Variants in FAT3 observed in about 807,000 individuals in gnomAD.
FAT3 encodes FAT atypical cadherin 3.
A neutral mutation model predicts 310.2 loss-of-function variants in FAT3; 95 were observed. That is an observed-to-expected ratio of 0.31 (90% CI 0.26 to 0.36). FAT3 has a LOEUF of 0.36. Ranked by LOEUF, FAT3 falls within the 10% of genes least tolerant of loss-of-function variation. FAT3 has a pLI of 1.00. For synonymous variants in FAT3, 2,314 were observed against 2,192.9 expected (o/e 1.06, Z -1.54); for missense variants, 5,408 against 5,715.6 (o/e 0.95, Z 1.74).
intron 4 of FAT3, among the ~76,000 whole-genome samples, chr11:92,704,848 C>T (rs537645072): frequency 1.3e-5 from 2 of 152,314 alleles, no homozygotes; most frequent in South Asian, 2.1e-4. Flanking sequence ...TGCCCCTCCT[C>T]ACACCACCAC....
chr11:92,838,173 T>C (rs958450716), intron 17 of FAT3, among the ~76,000 whole-genome samples: 5 of 152,188 alleles, frequency 3.3e-5, no homozygotes, highest in Non-Finnish European at 7.3e-5. Flanking sequence ...GGATTTGAAC[T>C]TGGGGCTGTC....
At chr11:92,373,114 G>C (rs930818371) in intron 2 of FAT3, among the ~76,000 whole-genome samples, 2 of 152,136 alleles carry the variant, frequency 1.3e-5, no homozygotes, top group African/African-American at 4.8e-5. Context: ...TAATCTGCTG[G>C]ACTTATTTTT....
chr11:92,747,827 C>T (rs1447337852), intron 4 of FAT3, among the ~76,000 whole-genome samples: 1 of 152,170 alleles, frequency 6.6e-6, no homozygotes, highest in Non-Finnish European at 1.5e-5. Flanking sequence ...CAAAAAGTCC[C>T]TCATCTCCAT....
intron 15 of FAT3, among the ~76,000 whole-genome samples, chr11:92,835,483 A>G (rs980661128): frequency 2.2e-4 from 34 of 152,208 alleles, no homozygotes; most frequent in Non-Finnish European, 8.8e-5. Context: ...TGATGAATAT[A>G]GTTAATAGTG....
chr11:92,885,474 A>G (rs1949774704), intron 24 of FAT3, among the ~76,000 whole-genome samples: 1 of 152,208 alleles, frequency 6.6e-6, no homozygotes, highest in African/African-American at 2.4e-5. Context: ...TCTTGGTGAT[A>G]ACAGAGGGCC....
chr11:92,759,486 G>A (rs71473490), intron 4 of FAT3, among the ~76,000 whole-genome samples: 1 of 152,176 alleles, frequency 6.6e-6, no homozygotes, highest in African/African-American at 2.4e-5. Context: ...GGTCAGAGAA[G>A]GTAGCCTTAA....
chr11:92,836,759 C>G (rs558310851), intron 16 of FAT3, 56 bp downstream of exon 16: 13 of 1,581,696 alleles, frequency 8.2e-6, no homozygotes, highest in African/African-American at 2.7e-5. Context: ...TTCCTAGAAT[C>G]AGGGGCACAA....
chr11:92,322,677 G>T (rs956033140), intron 1 of FAT3, among the ~76,000 whole-genome samples: 6 of 152,172 alleles, frequency 3.9e-5, no homozygotes, highest in African/African-American at 1.4e-4. Context: ...TCTTCACCAG[G>T]AATAGATTAT....
At chr11:92,721,666 C>A (rs980993745) in intron 4 of FAT3, among the ~76,000 whole-genome samples, 1 of 152,020 alleles carries the variant, frequency 6.6e-6, no homozygotes, top group Non-Finnish European at 1.5e-5. Context: ...GATGCTCATG[C>A]CAATTGTATT....
At chr11:92,605,654 TTACTTTGTGTACTCTTACAGATATCAC>T (rs1940242038) in intron 3 of FAT3, among the ~76,000 whole-genome samples, 1 of 151,790 alleles carries the variant, frequency 6.6e-6, no homozygotes, top group Non-Finnish European at 1.5e-5. Context: ...CACTTACAGA[TTACTTTGTGTACTCTTACAGATATCAC>T]AAAATTAAAC....
chr11:92,433,933 G>A (rs149223573), intron 2 of FAT3, among the ~76,000 whole-genome samples: 4,553 of 151,470 alleles, frequency 0.03, 242 homozygotes, highest in African/African-American at 0.1. Context: ...GGATAATGGC[G>A]TGAACCCGGG....
At chr11:92,691,751 G>A (rs1280167314) in intron 3 of FAT3, among the ~76,000 whole-genome samples, 1 of 152,108 alleles carries the variant, frequency 6.6e-6, no homozygotes, top group African/African-American at 2.4e-5. Flanking sequence ...TTATTTAACT[G>A]TTTCCTCCTA....
At chr11:92,474,014 A>G (rs1444440938) in intron 2 of FAT3, among the ~76,000 whole-genome samples, 1 of 152,192 alleles carries the variant, frequency 6.6e-6, no homozygotes, top group Non-Finnish European at 1.5e-5. Flanking sequence ...ATGCCTTGTC[A>G]TTAGGTAATG....
intron 3 of FAT3, among the ~76,000 whole-genome samples, chr11:92,635,787 A>G (rs1343741824): frequency 6.6e-6 from 1 of 152,232 alleles, no homozygotes; most frequent in Non-Finnish European, 1.5e-5. Context: ...TTAAGGGAAG[A>G]TTAAAGCATA....
At chr11:92,229,658 G>T in intron 1 of FAT3, among the ~76,000 whole-genome samples, 2 of 151,540 alleles carry the variant, frequency 1.3e-5, no homozygotes, top group South Asian at 2.1e-4. Context: ...GTGGCTTCAA[G>T]CCAGTTTCTG....
intron 1 of FAT3, among the ~76,000 whole-genome samples, chr11:92,321,469 G>T (rs1200998769): frequency 6.6e-6 from 1 of 151,928 alleles, no homozygotes; most frequent in African/African-American, 2.4e-5. Context: ...TTGTTTTTAG[G>T]TCTGTACTCT....
intron 3 of FAT3, among the ~76,000 whole-genome samples, chr11:92,620,191 T>G (rs1285952407): frequency 3.3e-5 from 5 of 152,336 alleles, no homozygotes; most frequent in African/African-American, 1.2e-4. Flanking sequence ...ATTTCTAATT[T>G]TATTCCACTG....
chr11:92,833,130 A>T (rs1298182932), intron 14 of FAT3, among the ~76,000 whole-genome samples: 1 of 152,228 alleles, frequency 6.6e-6, no homozygotes, highest in African/African-American at 2.4e-5. Context: ...ACAAGCTTGG[A>T]TGTTCTTTGA....
intron 4 of FAT3, among the ~76,000 whole-genome samples, chr11:92,709,969 G>A (rs899050321): frequency 6.6e-5 from 10 of 152,058 alleles, no homozygotes; most frequent in Non-Finnish European, 1.5e-4. Flanking sequence ...ATAATTCCTG[G>A]CATGCCACTC....
Sources: gnomAD v4.1 joint callset for allele counts (sites outside exome capture counted in the v4.1 genomes callset) on GRCh38, gnomAD v4.1.1 for gene constraint, MANE v1.5 for transcripts, NCBI Gene and HGNC (gene_info 2026-07-23, HGNC 2026-07-21) for gene names.